Variants in SAMTOR observed in about 807,000 individuals in gnomAD.
SAMTOR encodes the protein S-adenosylmethionine sensor upstream of mTORC1.
the SAMTOR span, among the ~76,000 whole-genome samples, chr7:112,930,986 T>C: frequency 6.6e-6 from 1 of 152,220 alleles, no homozygotes; most frequent in Non-Finnish European, 1.5e-5. Context: ...GTACACAGAC[T>C]CTACTAACCA....
At chr7:112,859,512 C>G in the SAMTOR span, among the ~76,000 whole-genome samples, 153 of 152,206 alleles carry the variant, frequency 1.0e-3, no homozygotes, top group African/African-American at 3.6e-3. Context: ...TTAGTGTATT[C>G]CTTCAGGCAG....
At chr7:112,886,381 A>T in the SAMTOR span, among the ~76,000 whole-genome samples, 1 of 152,232 alleles carries the variant, frequency 6.6e-6, no homozygotes, top group Non-Finnish European at 1.5e-5. Flanking sequence ...CTTTCTGGAA[A>T]GGAATTCAGT....
At chr7:112,932,886 G>T in the SAMTOR span, among the ~76,000 whole-genome samples, 2 of 152,268 alleles carry the variant, frequency 1.3e-5, no homozygotes, top group African/African-American at 4.8e-5. Flanking sequence ...TTCAAAAGAG[G>T]CCTGAAGATC....
At chr7:112,832,709 A>T in the SAMTOR span, 2 of 1,293,490 alleles carry the variant, frequency 1.5e-6, no homozygotes, top group African/African-American at 3.0e-5. Flanking sequence ...ACAAAATCAA[A>T]TATGAGAATG....
chr7:112,905,199 C>A, the SAMTOR span, among the ~76,000 whole-genome samples: 2 of 152,306 alleles, frequency 1.3e-5, no homozygotes, highest in Non-Finnish European at 2.9e-5. Context: ...CAGCTCTGGT[C>A]TAGGATTTCC....
chr7:112,902,421 AAAAAAAAC>A, the SAMTOR span, among the ~76,000 whole-genome samples: 265 of 101,528 alleles, frequency 2.6e-3, 29 homozygotes, highest in African/African-American at 0.011. Context: ...CGTCTCAAAA[AAAAAAAAC>A]AAAAAAAAAC....
At chr7:112,828,475 C>T in the SAMTOR span, among the ~76,000 whole-genome samples, 1 of 152,126 alleles carries the variant, frequency 6.6e-6, no homozygotes, top group Admixed American at 6.5e-5. Flanking sequence ...GTTAAAATTT[C>T]TCCTTTTTAT....
At chr7:112,934,838 T>C in the SAMTOR span, among the ~76,000 whole-genome samples, 1 of 152,308 alleles carries the variant, frequency 6.6e-6, no homozygotes, top group African/African-American at 2.4e-5. Context: ...TCTTTTCAAC[T>C]GCAAAAAGCC....
the SAMTOR span, among the ~76,000 whole-genome samples, chr7:112,894,599 G>A: frequency 3.9e-5 from 6 of 152,234 alleles, no homozygotes; most frequent in African/African-American, 1.2e-4. Context: ...CATGGTGGCA[G>A]GCAAGAGAGA....
chr7:112,923,403 G>T, the SAMTOR span, among the ~76,000 whole-genome samples: 1 of 151,954 alleles, frequency 6.6e-6, no homozygotes, highest in African/African-American at 2.4e-5. Flanking sequence ...TTTATCTGCT[G>T]ACCTTCCCTC....
the SAMTOR span, among the ~76,000 whole-genome samples, chr7:112,935,762 A>T: frequency 6.6e-6 from 1 of 152,194 alleles, no homozygotes; most frequent in Non-Finnish European, 1.5e-5. Context: ...GTGTACTTTT[A>T]CTCCTGACAA....
chr7:112,829,200 T>A, the SAMTOR span, among the ~76,000 whole-genome samples: 14 of 152,324 alleles, frequency 9.2e-5, no homozygotes, highest in Admixed American at 2.6e-4. Context: ...GCTGCTATTG[T>A]TGTATCTTCA....
chr7:112,840,711 G>A, the SAMTOR span, among the ~76,000 whole-genome samples: 1 of 151,704 alleles, frequency 6.6e-6, no homozygotes, highest in Non-Finnish European at 1.5e-5. Flanking sequence ...AGTCTTTAAA[G>A]TTTCTATTTC....
chr7:112,918,412 C>G, the SAMTOR span, among the ~76,000 whole-genome samples: 1 of 152,080 alleles, frequency 6.6e-6, no homozygotes, highest in Non-Finnish European at 1.5e-5. Flanking sequence ...GATTTTGTCA[C>G]CATCAGGCCT....
chr7:112,938,618 C>T, the SAMTOR span, among the ~76,000 whole-genome samples: 1 of 152,164 alleles, frequency 6.6e-6, no homozygotes, highest in Non-Finnish European at 1.5e-5. Context: ...AAAATGAGAA[C>T]CAGTGGAAAG....
At chr7:112,930,700 A>G in the SAMTOR span, among the ~76,000 whole-genome samples, 1 of 152,318 alleles carries the variant, frequency 6.6e-6, no homozygotes, top group South Asian at 2.1e-4. Flanking sequence ...TCTGTATTTT[A>G]CAAGCTTAGT....
At chr7:112,893,420 C>A in the SAMTOR span, among the ~76,000 whole-genome samples, 1 of 152,160 alleles carries the variant, frequency 6.6e-6, no homozygotes, top group African/African-American at 2.4e-5. Flanking sequence ...CATGAACCAA[C>A]CTCTGTTAAG....
At chr7:112,874,067 C>T in the SAMTOR span, among the ~76,000 whole-genome samples, 3,419 of 152,060 alleles carry the variant, frequency 0.022, 64 homozygotes, top group Admixed American at 0.042. Flanking sequence ...GGCAGGGATA[C>T]AGAGAAAAGG....
At chr7:112,893,473 C>T in the SAMTOR span, among the ~76,000 whole-genome samples, 4 of 152,166 alleles carry the variant, frequency 2.6e-5, no homozygotes, top group African/African-American at 9.7e-5. Context: ...TCTTAGCCTT[C>T]AATTGAAGAG....
Sources: gnomAD v4.1 joint callset for allele counts (sites outside exome capture counted in the v4.1 genomes callset) on GRCh38, gnomAD v4.1.1 for gene constraint, MANE v1.5 for transcripts, NCBI Gene and HGNC (gene_info 2026-07-23, HGNC 2026-07-21) for gene names.